The following CCSER1 variants were observed in gnomAD, a reference collection of about 807,000 sequenced individuals.
CCSER1 encodes the protein coiled-coil serine rich protein 1, also known as serine-rich coiled-coil domain-containing protein 1.
In CCSER1, 41 loss-of-function variants were observed where a neutral mutation model predicts 82.0. That is an observed-to-expected ratio of 0.50 (90% confidence interval 0.39 to 0.65). CCSER1 has a LOEUF of 0.65. CCSER1 is among the 30% of genes least tolerant of loss of function. The pLI, the probability that CCSER1 is intolerant of heterozygous loss-of-function variation, is 0.00. For missense variants in CCSER1, 1,119 were observed against 1,064.2 expected, an observed-to-expected ratio of 1.05 and a Z score of -0.72; for synonymous variants, 414 against 383.9, an observed-to-expected ratio of 1.08 and a Z score of -0.92.
intron 9 of CCSER1, among the ~76,000 whole-genome samples, chr4:91,056,977 A>T (rs902626701): frequency 6.6e-6 from 1 of 152,158 alleles, no homozygotes; most frequent in African/African-American, 2.4e-5. Context: ...CCTTTAAATC[A>T]CCAAGAATTC....
At chr4:91,241,996 G>A (rs1739408193) in intron 10 of CCSER1, among the ~76,000 whole-genome samples, 1 of 151,594 alleles carries the variant, frequency 6.6e-6, no homozygotes, top group Non-Finnish European at 1.5e-5. Context: ...GCATATATAT[G>A]TATGCAATTT....
intron 10 of CCSER1, among the ~76,000 whole-genome samples, chr4:91,468,452 T>C (rs1427959601): frequency 6.6e-6 from 1 of 151,600 alleles, no homozygotes; most frequent in Non-Finnish European, 1.5e-5. Context: ...TGTATACATA[T>C]GTAATAAGCC....
chr4:90,427,819 C>G (rs565041840), intron 4 of CCSER1, among the ~76,000 whole-genome samples: 49 of 151,720 alleles, frequency 3.2e-4, no homozygotes, highest in Non-Finnish European at 3.0e-5. Context: ...AATTTTTATT[C>G]TAGAATAAAG....
chr4:91,132,926 A>G (rs970863174), intron 10 of CCSER1, among the ~76,000 whole-genome samples: 2 of 152,044 alleles, frequency 1.3e-5, no homozygotes, highest in Non-Finnish European at 1.5e-5. Flanking sequence ...TACCACAATA[A>G]TTTTTCTTCC....
Position 91,509,307 on chromosome 4 carries a change from C to T in CCSER1, c.2218-89265C>T, listed in dbSNP as rs573234714. On this transcript the variant is annotated intron_variant, in intron 10 of 10. Transcript: ENST00000509176. ...TCATTGTATTTTCATTTAGATTAAT[C>T]TCAAACTGCCTCGCATATAATCTCT... is the stretch of plus-strand genomic sequence containing the variant. Among the ~76,000 whole-genome samples, 3 of 152,122 alleles carry T rather than the reference C, an allele frequency of 2.0e-5. No homozygotes were observed. The South Asian group carries it at 6.2e-4, about 32-fold the overall frequency.
At chr4:91,198,536 G>A (rs887175160) in intron 10 of CCSER1, among the ~76,000 whole-genome samples, 2 of 152,210 alleles carry the variant, frequency 1.3e-5, no homozygotes, top group Non-Finnish European at 2.9e-5. Flanking sequence ...AATGAGGGAA[G>A]AGGCTATTTC....
At chr4:90,179,537 T>C (rs945830863) in intron 1 of CCSER1, among the ~76,000 whole-genome samples, 53 of 152,282 alleles carry the variant, frequency 3.5e-4, no homozygotes, top group Non-Finnish European at 2.6e-4. Flanking sequence ...TGCACCACCA[T>C]GCCCAGCTAA....
At chr4:91,563,615 GT>G (rs1407902096) in intron 10 of CCSER1, among the ~76,000 whole-genome samples, 1 of 151,798 alleles carries the variant, frequency 6.6e-6, no homozygotes, top group East Asian at 1.9e-4. Context: ...AAAGCTGAGA[GT>G]TTTCCCTCTA....
At chr4:91,556,443 G>A (rs1184409160) in intron 10 of CCSER1, among the ~76,000 whole-genome samples, 1 of 150,794 alleles carries the variant, frequency 6.6e-6, no homozygotes, top group African/African-American at 2.4e-5. Flanking sequence ...TTTAAATGAT[G>A]AGTTAATGGG....
chr4:90,418,561 C>T (rs1165971210), intron 4 of CCSER1, among the ~76,000 whole-genome samples: 1 of 151,798 alleles, frequency 6.6e-6, no homozygotes, highest in African/African-American at 2.4e-5. Context: ...AAAGTTGGAG[C>T]TTTGAGTGAT....
intron 5 of CCSER1, among the ~76,000 whole-genome samples, chr4:90,604,990 C>G (rs1040596189): frequency 1.4e-5 from 2 of 142,196 alleles, no homozygotes; most frequent in African/African-American, 5.8e-5. Flanking sequence ...GCAGCGGCAA[C>G]TGAGTGAGCT....
At chr4:91,445,437 C>T (rs1755491559) in intron 10 of CCSER1, among the ~76,000 whole-genome samples, 2 of 150,806 alleles carry the variant, frequency 1.3e-5, no homozygotes, top group Admixed American at 6.6e-5. Flanking sequence ...TCTCTCTCTG[C>T]CACCCAATAG....
chr4:90,210,182 C>T lies in CCSER1; in HGVS notation c.-42+82351C>T, dbSNP rs530304353. The stretch of plus-strand genomic sequence containing the variant: ...AAAGAAGGAAATTGAGCAGTCATTT[C>T]CCTTTTCCTTCTTTGACCTGTATCA... On this transcript the variant is annotated intron_variant, in intron 1 of 10. Coordinates refer to ENST00000509176, the MANE Select transcript of CCSER1 (RefSeq NM_001145065.2). Among the ~76,000 whole-genome samples the T allele has an allele frequency of 4.6e-5, 7 of 152,238 alleles. No homozygotes were observed. The East Asian group carries it at 1.4e-3, about 29-fold the overall frequency.
intron 7 of CCSER1, among the ~76,000 whole-genome samples, chr4:90,765,614 C>T (rs1017906259): frequency 1.3e-5 from 2 of 151,928 alleles, no homozygotes; most frequent in Non-Finnish European, 2.9e-5. Context: ...TTAATGCTTA[C>T]TCTTTGTCAG....
chr4:90,698,183 G>A (rs529061188), intron 6 of CCSER1, among the ~76,000 whole-genome samples: 63 of 152,280 alleles, frequency 4.1e-4, no homozygotes, highest in African/African-American at 1.4e-3. Context: ...TTTTTATCTT[G>A]AGAGGGACTT....
chr4:90,421,923 T>A (rs1317783353), intron 4 of CCSER1, among the ~76,000 whole-genome samples: 1 of 152,074 alleles, frequency 6.6e-6, no homozygotes, highest in Non-Finnish European at 1.5e-5. Context: ...AAAGTGATGT[T>A]AAAGTAGACA....
Position 90,420,604 on chromosome 4 carries a change from A to C in CCSER1, c.1603+20475A>C, listed in dbSNP as rs543425873. Among the ~76,000 whole-genome samples, 69 of 152,146 alleles carry C rather than the reference A, an allele frequency of 4.5e-4. 1 individual carries two copies. Among genetic ancestry groups the C allele is most frequent in the Non-Finnish European group, 4.0e-4 (27 of 67,890 alleles). ...GCCTTTCAGACTTTGCTATATTTTT[A>C]AGAGGATTGCTTCAGTGACAAAGAA... On this transcript the variant is annotated intron_variant, in intron 4 of 10. Transcript: ENST00000509176.
intron 1 of CCSER1, among the ~76,000 whole-genome samples, chr4:90,281,876 G>T (rs545342130): frequency 6.6e-5 from 10 of 152,008 alleles, no homozygotes; most frequent in Non-Finnish European, 1.0e-4. Context: ...TTTATTCAAT[G>T]AATAAAAATC....
At chr4:91,411,067 A>G (rs1752993957) in intron 10 of CCSER1, among the ~76,000 whole-genome samples, 1 of 151,910 alleles carries the variant, frequency 6.6e-6, no homozygotes, top group African/African-American at 2.4e-5. Flanking sequence ...ATTTTATGTA[A>G]TTTTATAAAT....
Sources: gnomAD v4.1 joint callset for allele counts (sites outside exome capture counted in the v4.1 genomes callset) on GRCh38, gnomAD v4.1.1 for gene constraint, MANE v1.5 for transcripts, NCBI Gene and HGNC (gene_info 2026-07-23, HGNC 2026-07-21) for gene names.